P2RY2: variants seen among roughly 807,000 people sequenced by gnomAD.
P2RY2 encodes purinergic receptor P2Y2.
For missense variants in P2RY2, 567 were observed against 515.7 expected (o/e 1.10, Z -0.96); for synonymous variants, 241 against 231.9 (o/e 1.04, Z -0.35).
chr11:73,236,270 T>C lies in P2RY2; in HGVS notation c.*977T>C. The C allele has an allele frequency of 1.3e-6, 1 of 741,932 alleles. No homozygotes were observed. The highest frequency in any genetic ancestry group is 1.7e-6 in the Non-Finnish European group (1 of 593,826). The allele number at this position is 741,932 out of a possible 1,614,324, so 46.0% of individuals were successfully genotyped here. On this transcript the variant is annotated 3_prime_UTR_variant, in exon 3 of 3. Coordinates refer to ENST00000393597, the MANE Select transcript of P2RY2 (RefSeq NM_002564.4). ...TCCGATTTAACTGGGAACCCCTTCT[T>C]TGTAGAACTGCCCATTTCCATGGTG...
In P2RY2 at chr11:73,238,072, C is replaced by A. The variant is rs886475390; in HGVS notation, c.*2779C>A. Among the ~76,000 whole-genome samples, 6 of 152,230 alleles carry A rather than the reference C, an allele frequency of 3.9e-5. No individual in the cohort carries two copies. The highest frequency in any genetic ancestry group is 5.9e-5 in the Non-Finnish European group (4 of 68,046). On this transcript the variant is annotated 3_prime_UTR_variant, in exon 3 of 3. Coordinates refer to ENST00000393597, the MANE Select transcript of P2RY2 (RefSeq NM_002564.4). ...GGATTATCCAGCCCAGCTGCAGACTCAAGGCCAGAGATGGGCAGGGCTGAG... is the reference window on the plus strand; with the variant it reads ...GGATTATCCAGCCCAGCTGCAGACTAAAGGCCAGAGATGGGCAGGGCTGAG...
intron 2 of P2RY2, among the ~76,000 whole-genome samples, chr11:73,232,997 T>C (rs1862503537): frequency 6.6e-6 from 1 of 152,158 alleles, no homozygotes; most frequent in Non-Finnish European, 1.5e-5. Flanking sequence ...GGGCACTCAC[T>C]GTCTGTTGGA....
Position 73,235,896 on chromosome 11 carries a change from G to A in P2RY2, c.*603G>A. The A allele has an allele frequency of 1.0e-6, 1 of 1,000,416 alleles. No homozygotes were observed. Among genetic ancestry groups the A allele is most frequent in the Non-Finnish European group, 1.2e-6 (1 of 830,086 alleles). 62.0% of individuals were successfully genotyped at this position (1,000,416 alleles called of 1,614,324 possible). A position where few individuals can be genotyped will look rare whatever the true frequency, so the allele number is the denominator to read the frequency against. On this transcript the variant is annotated 3_prime_UTR_variant, in exon 3 of 3. Transcript: ENST00000393597. The stretch of plus-strand genomic sequence containing the variant: ...GCTCCCATGGGCTAGGAGCCAGTGT[G>A]AGGCTGTAACTTATACTAAAGGTTG...
intron 1 of P2RY2, among the ~76,000 whole-genome samples, chr11:73,224,283 C>A (rs1005033312): frequency 1.3e-5 from 2 of 152,250 alleles, no homozygotes; most frequent in Admixed American, 6.5e-5. Flanking sequence ...GCCCTCTCCA[C>A]TCCCCTCAAG....
intron 1 of P2RY2, among the ~76,000 whole-genome samples, chr11:73,224,023 A>G (rs149605095): frequency 2.0e-5 from 3 of 152,256 alleles, no homozygotes; most frequent in Non-Finnish European, 2.9e-5. Context: ...GGGGTCCCAA[A>G]GAGGGAGAGA....
Position 73,234,745 on chromosome 11 carries a change from G to C in P2RY2, c.586G>C (p.Val196Leu). The C allele has an allele frequency of 6.2e-7, 1 of 1,610,544 alleles. No homozygotes were observed. Among genetic ancestry groups the C allele is most frequent in the South Asian group, 1.1e-5 (1 of 91,084 alleles). ...GGCACCCGAGCTCTTCAGCCGCTTC[G>C]TGGCCTACAGCTCAGTCATGCTGGG... ...TSAPELFSRF[V>L]AYSSVMLGLL... Residue 196 changes from valine to leucine, a missense_variant, in exon 3 of 3, where the codon GTG becomes CTG. By Grantham distance (32) the Val-to-Leu change is conservative. Transcript: ENST00000393597.
chr11:73,229,120 A>C (rs1862373834), intron 2 of P2RY2, among the ~76,000 whole-genome samples: 1 of 152,196 alleles, frequency 6.6e-6, no homozygotes, highest in Non-Finnish European at 1.5e-5. Context: ...GGAGCACCTG[A>C]AATGTGTTGG....
intron 1 of P2RY2, among the ~76,000 whole-genome samples, chr11:73,218,978 T>C (rs1862044220): frequency 6.6e-6 from 1 of 152,198 alleles, no homozygotes; most frequent in Non-Finnish European, 1.5e-5. Context: ...GTTAAGCCTC[T>C]GTCCCCGGGC....
Position 73,235,266 on chromosome 11 carries a change from C to G in P2RY2, c.1107C>G (p.Ser369Arg), listed in dbSNP as rs145119561. ...SRRTESTPAG[S>R]ENTKDIRL ...GGACAGAGTCCACGCCGGCTGGTAG[C>G]GAGAACACTAAGGACATTCGGCTGT... The change falls in exon 3 of 3, where the codon AGC (serine) becomes AGG (arginine). Residue 369 changes from serine (S) to arginine (R), a missense_variant. Physicochemically the swap from Ser to Arg is moderately radical, Grantham distance 110. Transcript: ENST00000393597. 1 of 1,576,108 alleles carries G rather than the reference C, an allele frequency of 6.3e-7. No individual in the cohort carries two copies. The highest frequency in any genetic ancestry group is 1.8e-5 in the Admixed American group (1 of 54,544).
intron 1 of P2RY2, among the ~76,000 whole-genome samples, chr11:73,220,391 C>A (rs1019348511): frequency 1.3e-5 from 2 of 152,190 alleles, no homozygotes; most frequent in African/African-American, 4.8e-5. Flanking sequence ...TCAAGTATTG[C>A]CAAGTGCAGG....
chr11:73,224,779 G>T (rs1222960312), intron 1 of P2RY2, among the ~76,000 whole-genome samples: 1 of 152,148 alleles, frequency 6.6e-6, no homozygotes, highest in Non-Finnish European at 1.5e-5. Context: ...TTCCTGCGAA[G>T]CTTCCTGCCC....
At position 73,229,665 on chromosome 11, in the gene P2RY2, A is replaced by C. The variant is rs912831197; in HGVS notation, c.-5+1490A>C. On this transcript the variant is annotated intron_variant, in intron 2 of 2. Coordinates refer to ENST00000393597, the MANE Select transcript of P2RY2 (RefSeq NM_002564.4). ...GGTGGGGGCCAGGGTGTCTTAAAAC[A>C]GGCGGAAGGGGCAGCTCTCTTAATT... Among the ~76,000 whole-genome samples, 41 of 152,228 alleles carry C rather than the reference A, an allele frequency of 2.7e-4. 2 individuals are homozygous for C. Among genetic ancestry groups the C allele is most frequent in the Non-Finnish European group, 1.5e-4 (10 of 67,988 alleles).
chr11:73,231,965 G>A (rs562722619), intron 2 of P2RY2, among the ~76,000 whole-genome samples: 4 of 152,208 alleles, frequency 2.6e-5, no homozygotes, highest in South Asian at 2.1e-4. Flanking sequence ...CAGGAGAATC[G>A]CTTGAACCTG....
At chr11:73,224,590 C>T (rs1862223341) in intron 1 of P2RY2, among the ~76,000 whole-genome samples, 2 of 152,176 alleles carry the variant, frequency 1.3e-5, no homozygotes, top group South Asian at 4.1e-4. Flanking sequence ...GTGCCCTGCC[C>T]AGCAGTGGGC....
chr11:73,226,106 G>C (rs1205582745), intron 1 of P2RY2, among the ~76,000 whole-genome samples: 2 of 152,206 alleles, frequency 1.3e-5, no homozygotes, highest in Non-Finnish European at 2.9e-5. Flanking sequence ...TGCAGTGTGG[G>C]GACCGCGTAG....
At chr11:73,220,581 G>T (rs1862089266) in intron 1 of P2RY2, among the ~76,000 whole-genome samples, 1 of 152,228 alleles carries the variant, frequency 6.6e-6, no homozygotes, top group Non-Finnish European at 1.5e-5. Flanking sequence ...TGAATGACCA[G>T]TTCCTGCCCT....
intron 2 of P2RY2, among the ~76,000 whole-genome samples, chr11:73,229,630 G>A (rs1297392865): frequency 1.3e-5 from 2 of 152,106 alleles, no homozygotes; most frequent in East Asian, 1.9e-4. Context: ...GTCCCCAGCT[G>A]GCCTGGGAGG....
Position 73,239,006 on chromosome 11 carries a change from T to TTTTCCC in P2RY2, c.*3713_*3714insTTTCCC, listed in dbSNP as rs1862719624. ...TGCAGCACCTCAGTTTTCCCATTTC[T>TTTTCCC]AAAGTGTGCTGCTACCTTCCATGCA... On this transcript the variant is annotated 3_prime_UTR_variant, in exon 3 of 3. Transcript: ENST00000393597. The TTTTCCC allele has an allele frequency of 6.6e-6, 1 of 152,234 alleles. No homozygotes were observed. Among genetic ancestry groups the TTTTCCC allele is most frequent in the Non-Finnish European group, 1.5e-5 (1 of 68,046 alleles). The allele number at this position is 152,234 out of a possible 1,614,324, so 9.4% of individuals were successfully genotyped here.
rs2135624501 is a variant in P2RY2 at position 73,218,311 on chromosome 11, G to A, written c.-321G>A. 2 of 152,618 alleles carry A rather than the reference G, an allele frequency of 1.3e-5. No homozygotes were observed. The highest frequency in any genetic ancestry group is 4.1e-4 in the South Asian group (2 of 4,846). The allele number at this position is 152,618 out of a possible 1,614,324, so 9.5% of individuals were successfully genotyped here. A position where few individuals can be genotyped will look rare whatever the true frequency, so the allele number is the denominator to read the frequency against. On this transcript the variant is annotated 5_prime_UTR_variant, in exon 1 of 3. Coordinates refer to ENST00000393597, the MANE Select transcript of P2RY2 (RefSeq NM_002564.4). The stretch of plus-strand genomic sequence containing the variant: ...CTTCGGGGTTGGGGAACAGCGCAGG[G>A]AGGTGGGTAGCCGGGCTCCCAGGCA...
Sources: gnomAD v4.1 joint callset for allele counts (sites outside exome capture counted in the v4.1 genomes callset) on GRCh38, gnomAD v4.1.1 for gene constraint, MANE v1.5 for transcripts, NCBI Gene and HGNC (gene_info 2026-07-23, HGNC 2026-07-21) for gene names.